KCNMA1: variants seen among roughly 807,000 people sequenced by gnomAD.
KCNMA1 encodes potassium calcium-activated channel subfamily M alpha 1.
In KCNMA1, 29 loss-of-function variants were observed where a neutral mutation model predicts 140.0. That is an observed-to-expected ratio of 0.21 (90% confidence interval 0.15 to 0.28). The LOEUF (loss-of-function observed/expected upper bound fraction) is 0.28, where lower values mean the gene tolerates loss of function less well. Ranked by LOEUF, KCNMA1 falls within the 10% of genes least tolerant of loss-of-function variation. The probability of loss-of-function intolerance (pLI) is 1.00; values close to 1 mark genes in which losing one functional copy is unlikely to be tolerated. For missense variants in KCNMA1, 880 were observed against 1,602.2 expected (o/e 0.55, Z 7.70); for synonymous variants, 612 against 611.9 (o/e 1.00, Z 0.00).
intron 1 of KCNMA1, among the ~76,000 whole-genome samples, chr10:77,491,213 G>T (rs1441751341): frequency 6.6e-6 from 1 of 152,140 alleles, no homozygotes; most frequent in African/African-American, 2.4e-5. Context: ...TGTATTATTA[G>T]TGGATGGAGA....
At chr10:77,184,708 G>A (rs1168865944) in intron 4 of KCNMA1, 115 bp downstream of exon 4, 2 of 762,234 alleles carry the variant, frequency 2.6e-6, no homozygotes, top group South Asian at 1.4e-5. Context: ...GAATGCGGGT[G>A]CGCTGTTTCT....
intron 14 of KCNMA1, chr10:77,063,662 C>A: frequency 1.1e-6 from 1 of 888,306 alleles, no homozygotes; most frequent in Non-Finnish European, 1.3e-6. Flanking sequence ...AGGGCAACGA[C>A]AACCAATAGA....
chr10:77,281,492 GA>G (rs1163935074), intron 2 of KCNMA1, among the ~76,000 whole-genome samples: 1 of 152,176 alleles, frequency 6.6e-6, no homozygotes, highest in African/African-American at 2.4e-5. Context: ...CCATAACAGG[GA>G]TATATAGCTA....
At chr10:77,340,913 T>A (rs2090739967) in intron 2 of KCNMA1, among the ~76,000 whole-genome samples, 2 of 150,950 alleles carry the variant, frequency 1.3e-5, no homozygotes, top group African/African-American at 4.9e-5. Flanking sequence ...TCCTTACCCA[T>A]CTGACTTCCC....
At chr10:76,888,998 G>A (rs1187736937) in intron 27 of KCNMA1, among the ~76,000 whole-genome samples, 1 of 152,184 alleles carries the variant, frequency 6.6e-6, no homozygotes, top group East Asian at 1.9e-4. Context: ...GGCAGAGGTT[G>A]CAGTGAGCCA....
chr10:77,400,471 G>T (rs962581608), intron 2 of KCNMA1, among the ~76,000 whole-genome samples: 2 of 152,144 alleles, frequency 1.3e-5, no homozygotes, highest in African/African-American at 4.8e-5. Flanking sequence ...GCTAAAAGAT[G>T]GTAATGTCAA....
intron 2 of KCNMA1, among the ~76,000 whole-genome samples, chr10:77,299,686 G>A (rs892189572): frequency 6.6e-6 from 1 of 152,200 alleles, no homozygotes; most frequent in African/African-American, 2.4e-5. Flanking sequence ...GGGAAAGCCT[G>A]CACAAGAAGA....
At chr10:77,135,927 T>A (rs1195377862) in intron 5 of KCNMA1, among the ~76,000 whole-genome samples, 1 of 152,230 alleles carries the variant, frequency 6.6e-6, no homozygotes, top group Non-Finnish European at 1.5e-5. Flanking sequence ...AACCATATAG[T>A]ATTCTTGAAA....
chr10:77,017,077 T>C lies in KCNMA1; in HGVS notation c.2015+1936A>G, dbSNP rs956336488. Among the ~76,000 whole-genome samples the C allele has an allele frequency of 9.9e-5, 15 of 152,222 alleles. No individual in the cohort carries two copies. The East Asian group carries it at 2.5e-3, about 25-fold the overall frequency. ...GGTGTTGTAGCTGATTGTGTCAGCA[T>C]GTATTTGTGAATACCATAAAGCACT... On this transcript the variant is annotated intron_variant, in intron 17 of 27. Coordinates refer to ENST00000286628, the MANE Select transcript of KCNMA1 (RefSeq NM_001161352.2).
intron 1 of KCNMA1, among the ~76,000 whole-genome samples, chr10:77,448,011 G>A (rs190258503): frequency 1.3e-5 from 2 of 152,238 alleles, no homozygotes; most frequent in Non-Finnish European, 2.9e-5. Context: ...GCAGGCTGAT[G>A]TTCCAAGGGG....
At chr10:77,553,954 A>G (rs2063492930) in intron 1 of KCNMA1, among the ~76,000 whole-genome samples, 1 of 151,736 alleles carries the variant, frequency 6.6e-6, no homozygotes, top group Non-Finnish European at 1.5e-5. Context: ...CCAGTTTTGT[A>G]GGTCTTGAGC....
At chr10:77,263,924 CCTGTCTACTT>C (rs1228020720) in intron 2 of KCNMA1, among the ~76,000 whole-genome samples, 1 of 152,146 alleles carries the variant, frequency 6.6e-6, no homozygotes, top group Non-Finnish European at 1.5e-5. Flanking sequence ...AAAGCCCTAA[CCTGTCTACTT>C]CTGACATCTC....
chr10:77,170,765 T>C (rs2098697678), intron 5 of KCNMA1, among the ~76,000 whole-genome samples: 2 of 152,190 alleles, frequency 1.3e-5, no homozygotes, highest in Admixed American at 1.3e-4. Flanking sequence ...AAAATACTAG[T>C]GACTAATAAA....
rs572498694 is a variant in KCNMA1 at position 77,083,849 on chromosome 10, G to C, written c.1523+788C>G. 6.1e-3 allele frequency among the ~76,000 whole-genome samples: 928 copies of C among 151,258 alleles called. 12 individuals are homozygous for C. The highest frequency in any genetic ancestry group is 0.021 in the African/African-American group (876 of 41,170). ...GACTCTGTCTCTATGAAAAAAAACG[G>C]GGGGGGGTTGGGGGAGGTGGGAGAG... is the stretch of plus-strand genomic sequence containing the variant. On this transcript the variant is annotated intron_variant, in intron 12 of 27. Transcript: ENST00000286628.
At position 77,012,466 on chromosome 10, in the gene KCNMA1, G is replaced by A. The variant is rs1472502242; in HGVS notation, c.2016-423C>T. The A allele has an allele frequency of 1.1e-5, 17 of 1,550,048 alleles. No individual in the cohort carries two copies. In the African/African-American group the frequency reaches 2.2e-4, roughly 20 times the overall value. On this transcript the variant is annotated intron_variant, in intron 17 of 27. Coordinates refer to ENST00000286628, the MANE Select transcript of KCNMA1 (RefSeq NM_001161352.2). ...CAAATATATATTTGAGGGGGCAGAA[G>A]TATGTCGTTTCTCAGTCAAATAAAA...
intron 2 of KCNMA1, among the ~76,000 whole-genome samples, chr10:77,384,396 T>A (rs780397772): frequency 3.3e-5 from 5 of 152,180 alleles, no homozygotes; most frequent in Non-Finnish European, 5.9e-5. Flanking sequence ...CACTCCAGAC[T>A]TTTTCCCTGG....
chr10:77,095,020 T>A (rs1197833906), intron 9 of KCNMA1, among the ~76,000 whole-genome samples: 1 of 152,164 alleles, frequency 6.6e-6, no homozygotes, highest in Non-Finnish European at 1.5e-5. Flanking sequence ...ATTTTAGACA[T>A]GTCATGTACA....
At chr10:77,466,415 C>T (rs1021332430) in intron 1 of KCNMA1, among the ~76,000 whole-genome samples, 8 of 152,198 alleles carry the variant, frequency 5.3e-5, no homozygotes, top group African/African-American at 2.4e-5. Flanking sequence ...CCAAACGATG[C>T]TCACTCAGTC....
At chr10:77,048,260 A>G (rs1438988095) in intron 14 of KCNMA1, among the ~76,000 whole-genome samples, 2 of 152,162 alleles carry the variant, frequency 1.3e-5, no homozygotes, top group Non-Finnish European at 2.9e-5. Context: ...ACTTACTCTC[A>G]TCTTCTGTAC....
Sources: allele counts gnomAD v4.1 joint callset (sites outside exome capture counted in the v4.1 genomes callset), GRCh38; gene constraint gnomAD v4.1.1; transcripts MANE v1.5; gene names NCBI Gene and HGNC (gene_info 2026-07-23, HGNC 2026-07-21).